Variants in TTC7B observed in about 807,000 individuals in gnomAD.
The protein encoded by TTC7B is tetratricopeptide repeat domain 7B.
TTC7B carries 28 observed loss-of-function variants against 106.8 expected under a neutral mutation model. The observed-to-expected ratio is 0.26, with a 90% CI of 0.19 to 0.36. TTC7B has a LOEUF of 0.36. Among genes scored for constraint, TTC7B ranks in the 10% least tolerant of loss-of-function variants. The pLI, the probability that TTC7B is intolerant of heterozygous loss-of-function variation, is 1.00. For missense variants in TTC7B, 862 were observed against 1,076.4 expected (o/e 0.80, Z 2.79); for synonymous variants, 405 against 430.6 (o/e 0.94, Z 0.74).
In TTC7B at chr14:90,699,512, C is replaced by T. The variant is rs539210384; in HGVS notation, c.699-3934G>A. ...CCAATACACTTAAATTCAATATCAC[C>T]TGTCATTGTCGTGGAAACTCAAAGT... On this transcript the variant is annotated intron_variant, in intron 5 of 19. Coordinates refer to ENST00000328459, the MANE Select transcript of TTC7B (RefSeq NM_001010854.2). 52 of 307,092 alleles carry T rather than the reference C, an allele frequency of 1.7e-4. 1 individual carries two copies. The highest frequency in any genetic ancestry group is 1.4e-3 in the South Asian group (52 of 38,246). 19.0% of individuals were successfully genotyped at this position (307,092 alleles called of 1,614,324 possible). A position where few individuals can be genotyped will look rare whatever the true frequency, so the allele number is the denominator to read the frequency against.
chr14:90,741,809 C>T (rs1294789516), intron 4 of TTC7B, among the ~76,000 whole-genome samples: 1 of 152,214 alleles, frequency 6.6e-6, no homozygotes, highest in Non-Finnish European at 1.5e-5. Context: ...GCTTAATCAA[C>T]AGTTAGTTTC....
chr14:90,782,172 G>A (rs1891240452), intron 2 of TTC7B, among the ~76,000 whole-genome samples: 2 of 151,938 alleles, frequency 1.3e-5, no homozygotes. Flanking sequence ...AGGCAGCATT[G>A]GAAAGGATGG....
intron 5 of TTC7B, among the ~76,000 whole-genome samples, chr14:90,721,351 TGA>T: frequency 6.6e-6 from 1 of 152,180 alleles, no homozygotes; most frequent in East Asian, 1.9e-4. Context: ...AATTCATCAC[TGA>T]AAAGAGGGGT....
chr14:90,750,868 A>G (rs1890113182), intron 3 of TTC7B, among the ~76,000 whole-genome samples: 1 of 152,224 alleles, frequency 6.6e-6, no homozygotes, highest in African/African-American at 2.4e-5. Context: ...GTGCCTATGC[A>G]GCTCAGTTCC....
chr14:90,558,792 C>T (rs1049317549), intron 19 of TTC7B, among the ~76,000 whole-genome samples: 17 of 152,292 alleles, frequency 1.1e-4, no homozygotes, highest in African/African-American at 2.4e-4. Context: ...CAGAAACGGG[C>T]GGCTTGCCAG....
At chr14:90,561,093 A>G (rs962567357) in intron 19 of TTC7B, among the ~76,000 whole-genome samples, 6 of 152,334 alleles carry the variant, frequency 3.9e-5, no homozygotes, top group East Asian at 3.9e-4. Flanking sequence ...GGCCCCATGC[A>G]TCTGTGTGGT....
intron 5 of TTC7B, chr14:90,699,052 C>G: frequency 2.5e-6 from 1 of 395,008 alleles, no homozygotes; most frequent in South Asian, 1.9e-5. Flanking sequence ...TCAACCCTCC[C>G]TCTCGACCCT....
At chr14:90,697,584 A>G (rs1887806335) in intron 5 of TTC7B, 1 of 152,250 alleles carries the variant, frequency 6.6e-6, no homozygotes, top group South Asian at 2.1e-4. Flanking sequence ...CCCAGTGATG[A>G]CAGCTAATAA....
chr14:90,729,224 T>C (rs1454304782), intron 5 of TTC7B, among the ~76,000 whole-genome samples: 1 of 152,230 alleles, frequency 6.6e-6, no homozygotes, highest in Non-Finnish European at 1.5e-5. Flanking sequence ...ACCAGGCAGA[T>C]GAAATCCCAA....
At chr14:90,650,596 T>C (rs1046437286) in intron 13 of TTC7B, among the ~76,000 whole-genome samples, 1 of 152,144 alleles carries the variant, frequency 6.6e-6, no homozygotes, top group African/African-American at 2.4e-5. Context: ...CAATGAGTGA[T>C]AAACAAACAC....
At chr14:90,547,011 C>G (rs1206231531) in intron 19 of TTC7B, among the ~76,000 whole-genome samples, 16 of 152,204 alleles carry the variant, frequency 1.1e-4, no homozygotes, top group Non-Finnish European at 2.9e-5. Flanking sequence ...TCTCCCCTCC[C>G]CTGTGTGTGG....
intron 6 of TTC7B, among the ~76,000 whole-genome samples, 191 bp downstream of exon 6, chr14:90,695,307 TCA>T (rs1887696806): frequency 6.7e-6 from 1 of 148,494 alleles, no homozygotes; most frequent in Non-Finnish European, 1.5e-5. Flanking sequence ...TAAATATATG[TCA>T]CATATATTTA....
At chr14:90,707,361 A>G (rs1044290702) in intron 5 of TTC7B, among the ~76,000 whole-genome samples, 5 of 152,190 alleles carry the variant, frequency 3.3e-5, no homozygotes, top group Admixed American at 1.3e-4. Flanking sequence ...CCTGAGACAT[A>G]ATATTGAAAT....
intron 15 of TTC7B, among the ~76,000 whole-genome samples, chr14:90,630,081 G>A (rs1282693229): frequency 6.6e-6 from 1 of 152,204 alleles, no homozygotes; most frequent in Non-Finnish European, 1.5e-5. Context: ...CCGGAGAAAG[G>A]AGGATCCTCT....
At chr14:90,731,909 A>G (rs1889345132) in intron 4 of TTC7B, among the ~76,000 whole-genome samples, 1 of 152,194 alleles carries the variant, frequency 6.6e-6, no homozygotes, top group Admixed American at 6.5e-5. Flanking sequence ...ACTTTTAAAA[A>G]TCATCCTTCA....
At chr14:90,794,207 A>ACTTTTTTTTTTTTTTTT (rs1566891563) in intron 1 of TTC7B, among the ~76,000 whole-genome samples, 1 of 130,618 alleles carries the variant, frequency 7.7e-6, no homozygotes, top group Admixed American at 7.3e-5. Flanking sequence ...CTGGCTGGGT[A>ACTTTTTTTTTTTTTTTT]TTTCTTTTTT....
chr14:90,724,784 G>A (rs1339036676), intron 5 of TTC7B, among the ~76,000 whole-genome samples: 2 of 152,182 alleles, frequency 1.3e-5, no homozygotes, highest in Non-Finnish European at 2.9e-5. Flanking sequence ...ATGAGAGAAC[G>A]GGCTAACACA....
At chr14:90,619,996 G>A (rs143658925) in intron 15 of TTC7B, among the ~76,000 whole-genome samples, 372 of 152,280 alleles carry the variant, frequency 2.4e-3, no homozygotes, top group Non-Finnish European at 4.4e-3. Flanking sequence ...TTTTTCATGT[G>A]TGAGAGGTGG....
intron 5 of TTC7B, among the ~76,000 whole-genome samples, chr14:90,728,526 G>A (rs767272352): frequency 1.3e-5 from 2 of 152,024 alleles, no homozygotes; most frequent in African/African-American, 2.4e-5. Context: ...AATGAGAAAT[G>A]AGTCAGTAAG....
Sources: gnomAD v4.1 joint callset for allele counts (sites outside exome capture counted in the v4.1 genomes callset) on GRCh38, gnomAD v4.1.1 for gene constraint, MANE v1.5 for transcripts, NCBI Gene and HGNC (gene_info 2026-07-23, HGNC 2026-07-21) for gene names.